The following VPS13D variants were observed in gnomAD, a reference collection of about 807,000 sequenced individuals.
The protein encoded by VPS13D is vacuolar protein sorting 13 homolog D, also known as intermembrane lipid transfer protein VPS13D.
In VPS13D, 187 loss-of-function variants were observed where a neutral mutation model predicts 461.9. That is an observed-to-expected ratio of 0.40 (90% confidence interval 0.36 to 0.46). The LOEUF is 0.46. Ranked by LOEUF, VPS13D falls within the 20% of genes least tolerant of loss-of-function variation. VPS13D has a pLI of 0.60. For synonymous variants in VPS13D, 1,951 were observed against 1,986.3 expected, an observed-to-expected ratio of 0.98 and a Z score of 0.47; for missense variants, 4,711 against 5,364.9, an observed-to-expected ratio of 0.88 and a Z score of 3.81.
chr1:12,445,309 T>C (rs1432954569), intron 65 of VPS13D, among the ~76,000 whole-genome samples: 2 of 152,246 alleles, frequency 1.3e-5, no homozygotes, highest in African/African-American at 4.8e-5. Context: ...ATCTTTCTAG[T>C]CGTTGAAGGT....
intron 38 of VPS13D, 139 bp from the exon 39 acceptor site, chr1:12,335,566 T>G: frequency 9.2e-7 from 1 of 1,083,354 alleles, no homozygotes; most frequent in Non-Finnish European, 1.3e-6. Flanking sequence ...CTCCAGGGCA[T>G]AGACTTTCTC....
At chr1:12,479,021 G>A (rs993432509) in intron 67 of VPS13D, 8 of 397,500 alleles carry the variant, frequency 2.0e-5, no homozygotes, top group Admixed American at 8.0e-5. Flanking sequence ...GTGGAAGGCC[G>A]CCCCACGGAG....
intron 65 of VPS13D, among the ~76,000 whole-genome samples, chr1:12,453,502 C>T (rs920832662): frequency 2.6e-5 from 4 of 152,224 alleles, no homozygotes; most frequent in East Asian, 1.9e-4. Context: ...GACATGGGCA[C>T]GCGTCACTTA....
At chr1:12,293,887 A>G (rs1244719699) in intron 24 of VPS13D, among the ~76,000 whole-genome samples, 183 bp downstream of exon 24, 5 of 152,210 alleles carry the variant, frequency 3.3e-5, no homozygotes, top group Admixed American at 6.5e-5. Flanking sequence ...ATTGTATCTC[A>G]CTTAAATTAC....
chr1:12,372,269 C>T (rs1644130571), intron 54 of VPS13D, among the ~76,000 whole-genome samples: 1 of 152,078 alleles, frequency 6.6e-6, no homozygotes, highest in African/African-American at 2.4e-5. Context: ...CTATTTTGCC[C>T]AGGCTGGTCT....
chr1:12,397,766 CA>C (rs1644519008), intron 60 of VPS13D, among the ~76,000 whole-genome samples: 2 of 152,260 alleles, frequency 1.3e-5, no homozygotes, highest in South Asian at 4.2e-4. Context: ...AAAAGTGGCT[CA>C]GGAAGATCTT....
intron 7 of VPS13D, among the ~76,000 whole-genome samples, chr1:12,254,610 GC>G (rs1640854631): frequency 8.2e-6 from 1 of 122,322 alleles, no homozygotes. Context: ...TGAGATCTTT[GC>G]CTCCCAGATG....
At chr1:12,469,393 A>G (rs1002115031) in intron 67 of VPS13D, among the ~76,000 whole-genome samples, 3 of 152,238 alleles carry the variant, frequency 2.0e-5, no homozygotes, top group Admixed American at 1.3e-4. Flanking sequence ...TGACTGTAGA[A>G]GCAGATAGGT....
intron 30 of VPS13D, 58 bp downstream of exon 30, chr1:12,314,385 C>A: frequency 1.3e-6 from 2 of 1,554,056 alleles, no homozygotes; most frequent in Non-Finnish European, 1.8e-6. Context: ...TTTTGGGTCA[C>A]GTCTTTGTTG....
intron 61 of VPS13D, 44 bp from the exon 62 acceptor site, chr1:12,401,564 C>T: frequency 1.4e-6 from 2 of 1,471,454 alleles, no homozygotes; most frequent in Non-Finnish European, 1.9e-6. Flanking sequence ...GATGAATGTT[C>T]CTTCTGGTGT....
chr1:12,497,187 G>A lies in VPS13D; in HGVS notation c.12663-313G>A, dbSNP rs185178466. The A allele has an allele frequency of 2.6e-3, 444 of 173,542 alleles. 3 individuals are homozygous for A. Among genetic ancestry groups the A allele is most frequent in the African/African-American group, 9.8e-3 (414 of 42,064 alleles). 10.8% of individuals were successfully genotyped at this position (173,542 alleles called of 1,614,324 possible). A position where few individuals can be genotyped will look rare whatever the true frequency, so the allele number is the denominator to read the frequency against. ...GGCTTGGCGGGCACTGTTTTATTTG[G>A]TCTTCACAGCAGTCCTCTAAGGTAG... is the stretch of plus-strand genomic sequence containing the variant. On this transcript the variant is annotated intron_variant, in intron 67 of 69. Coordinates refer to ENST00000620676, the MANE Select transcript of VPS13D (RefSeq NM_015378.4).
intron 5 of VPS13D, among the ~76,000 whole-genome samples, chr1:12,246,694 G>C (rs1456354637): frequency 2.0e-5 from 3 of 151,986 alleles, no homozygotes; most frequent in Non-Finnish European, 4.4e-5. Context: ...TAAAGGGTAC[G>C]TTCTTTTGAT....
intron 1 of VPS13D, 95 bp downstream of exon 1, chr1:12,230,215 C>T (rs1639914877): frequency 6.6e-6 from 1 of 152,354 alleles, no homozygotes; most frequent in Non-Finnish European, 1.5e-5. Flanking sequence ...TCCGCCTGGA[C>T]ATGGGGGCCC....
intron 7 of VPS13D, among the ~76,000 whole-genome samples, chr1:12,254,156 C>T (rs529456298): frequency 2.6e-5 from 4 of 152,136 alleles, no homozygotes; most frequent in East Asian, 1.9e-4. Flanking sequence ...AGTATTCCAC[C>T]GTTTGCATGT....
Position 12,497,512 on chromosome 1 carries a change from G to A in VPS13D, c.12675G>A (p.Gln4225=), listed in dbSNP as rs771320353. ...ATLSGPRTQA[Q]RVRKPRCCTG... Reference sequence around the variant, plus strand: ...TTTACCCATCTAGGACTCAAGCACAGAGGGTTCGGAAACCGCGTTGCTGCA... The same window carrying A: ...TTTACCCATCTAGGACTCAAGCACAAAGGGTTCGGAAACCGCGTTGCTGCA... The change falls in exon 68 of 70, where the codon CAG becomes CAA. Residue 4225 remains glutamine (Q), a synonymous_variant. Coordinates refer to ENST00000620676, the MANE Select transcript of VPS13D (RefSeq NM_015378.4). The A allele has an allele frequency of 6.2e-7, 1 of 1,613,970 alleles. No homozygotes were observed. The highest frequency in any genetic ancestry group is 8.5e-7 in the Non-Finnish European group (1 of 1,179,912).
At chr1:12,508,738 C>T (rs1055563296) in intron 69 of VPS13D, among the ~76,000 whole-genome samples, 155 bp from the exon 70 acceptor site, 9 of 151,550 alleles carry the variant, frequency 5.9e-5, no homozygotes, top group African/African-American at 1.5e-4. Context: ...CTTGTGAGTG[C>T]GAGTGAAGCA....
intron 21 of VPS13D, among the ~76,000 whole-genome samples, chr1:12,284,164 G>A (rs1425050756): frequency 6.6e-6 from 1 of 152,100 alleles, no homozygotes; most frequent in Non-Finnish European, 1.5e-5. Context: ...TTGCATTGAG[G>A]GCAACAGCGT....
Position 12,348,960 on chromosome 1 carries a change from A to C in VPS13D, c.9207A>C (p.Pro3069=), listed in dbSNP as rs1470753338. The change falls in exon 45 of 70, where the codon CCA becomes CCC. Residue 3069 remains proline, a synonymous_variant. Coordinates refer to ENST00000620676, the MANE Select transcript of VPS13D (RefSeq NM_015378.4). ...CAATGGAACTAAGACTGGATAGCCC[A>C]TCAGCTCCAGACAGTATGTTTTGAT... ...ETPMELRLDS[P]SAPDKPVVLP... The C allele has an allele frequency of 6.2e-7, 1 of 1,614,086 alleles. No individual in the cohort carries two copies. The highest frequency in any genetic ancestry group is 8.5e-7 in the Non-Finnish European group (1 of 1,180,040).
At chr1:12,294,222 A>G (rs779293091) in intron 24 of VPS13D, among the ~76,000 whole-genome samples, 7 of 152,236 alleles carry the variant, frequency 4.6e-5, no homozygotes, top group African/African-American at 1.4e-4. Flanking sequence ...AAATGGAAAG[A>G]ATAATATTTT....
Sources: gnomAD v4.1 joint callset for allele counts (sites outside exome capture counted in the v4.1 genomes callset) on GRCh38, gnomAD v4.1.1 for gene constraint, MANE v1.5 for transcripts, NCBI Gene and HGNC (gene_info 2026-07-23, HGNC 2026-07-21) for gene names.